BPI: variants seen among roughly 807,000 people sequenced by gnomAD.
BPI encodes the protein bactericidal permeability increasing protein, also known as bactericidal permeability-increasing protein.
BPI carries 48 observed loss-of-function variants against 57.6 expected under a neutral mutation model. The ratio of observed to expected loss-of-function variants is 0.83; its 90% CI spans 0.66 to 1.06. The LOEUF is 1.06. Ranked by LOEUF, BPI falls within the 50% of genes least tolerant of loss-of-function variation. BPI has a pLI of 0.00. For missense variants in BPI, 651 were observed against 609.7 expected, an observed-to-expected ratio of 1.07 and a Z score of -0.71; for synonymous variants, 237 against 238.2, an observed-to-expected ratio of 0.99 and a Z score of 0.05.
chr20:38,314,067 G>C (rs979314713), intron 5 of BPI, among the ~76,000 whole-genome samples: 2 of 151,900 alleles, frequency 1.3e-5, no homozygotes, highest in Non-Finnish European at 2.9e-5. Flanking sequence ...TTATGGTGAG[G>C]TTGATGATGA....
chr20:38,313,524 G>A (rs2076632192), intron 5 of BPI, among the ~76,000 whole-genome samples: 1 of 152,010 alleles, frequency 6.6e-6, no homozygotes, highest in African/African-American at 2.4e-5. Flanking sequence ...TCAGCTGTCT[G>A]TATAATCAAG....
chr20:38,313,950 GGTGAGGTTGATGATGGTGATA>G (rs1315044382), intron 5 of BPI, among the ~76,000 whole-genome samples: 1 of 151,720 alleles, frequency 6.6e-6, no homozygotes, highest in Admixed American at 6.6e-5. Context: ...TGATGGTGAT[GGTGAGGTTGATGATGGTGATA>G]GTGAGGTTGA....
At chr20:38,328,748 G>A (rs2122555128) in intron 11 of BPI, among the ~76,000 whole-genome samples, 1 of 152,058 alleles carries the variant, frequency 6.6e-6, no homozygotes, top group East Asian at 1.9e-4. Flanking sequence ...CTCTCTCCCA[G>A]CACCTTGGGA....
At chr20:38,308,835 G>A in intron 2 of BPI, 95 bp from the exon 3 acceptor site, 4 of 1,493,820 alleles carry the variant, frequency 2.7e-6, no homozygotes, top group Non-Finnish European at 3.7e-6. Context: ...GGACCAGGTG[G>A]TGGGGGACGA....
At chr20:38,307,877 AGT>A (rs768234901) in intron 2 of BPI, among the ~76,000 whole-genome samples, 196 bp downstream of exon 2, 3 of 152,186 alleles carry the variant, frequency 2.0e-5, no homozygotes, top group African/African-American at 2.4e-5. Flanking sequence ...ACTCCCAGGA[AGT>A]GTGTCATGAA....
At chr20:38,327,081 C>T (rs2076717238) in intron 10 of BPI, among the ~76,000 whole-genome samples, 1 of 152,248 alleles carries the variant, frequency 6.6e-6, no homozygotes, top group Admixed American at 6.5e-5. Flanking sequence ...TTGGTGGCAC[C>T]CATATGGCCA....
intron 5 of BPI, among the ~76,000 whole-genome samples, chr20:38,314,786 G>A (rs2076643905): frequency 6.7e-6 from 1 of 149,470 alleles, no homozygotes; most frequent in African/African-American, 2.5e-5. Context: ...TGATGATGAT[G>A]GTGGTATGGT....
At chr20:38,330,271 T>C (rs936517202) in intron 11 of BPI, among the ~76,000 whole-genome samples, 5 of 152,198 alleles carry the variant, frequency 3.3e-5, no homozygotes, top group Non-Finnish European at 5.9e-5. Flanking sequence ...CAAACCGTGC[T>C]TTGCTAATTG....
At chr20:38,318,789 C>G (rs1290349489) in intron 6 of BPI, among the ~76,000 whole-genome samples, 1 of 152,152 alleles carries the variant, frequency 6.6e-6, no homozygotes, top group Non-Finnish European at 1.5e-5. Flanking sequence ...TTGGTCACTT[C>G]TTTTTGGATC....
intron 10 of BPI, 116 bp from the exon 11 acceptor site, chr20:38,327,472 C>T: frequency 1.3e-5 from 15 of 1,113,584 alleles, no homozygotes; most frequent in African/African-American, 3.1e-5. Context: ...GTGGGCCTGA[C>T]CCCACAGTGT....
rs183269384 is a variant in BPI at position 38,323,949 on chromosome 20, G to T, written c.836G>T (p.Arg279Leu). The change falls in exon 8 of 15, where the codon CGC (arginine) becomes CTC (leucine). Residue 279 changes from arginine to leucine, a missense_variant. Physicochemically the swap from Arg to Leu is moderately radical, Grantham distance 102 (BLOSUM62 -2). Coordinates refer to ENST00000642449, the MANE Select transcript of BPI (RefSeq NM_001725.3). The stretch of plus-strand genomic sequence containing the variant: ...ATGGAGTTTCCCGCTGCCCATGACC[G>T]CATGGTATACCTGGGCCTCTCAGAC... ...PVMEFPAAHD[R>L]MVYLGLSDYF... 3 of 1,614,104 alleles carry T rather than the reference G, an allele frequency of 1.9e-6. No individual in the cohort carries two copies. Among genetic ancestry groups the T allele is most frequent in the Non-Finnish European group, 2.5e-6 (3 of 1,179,992 alleles).
chr20:38,327,759 C>A (rs758302530), intron 11 of BPI, 104 bp downstream of exon 11: 8 of 1,351,038 alleles, frequency 5.9e-6, no homozygotes, highest in Non-Finnish European at 8.3e-6. Context: ...TGTTGTTTTC[C>A]TGTTGGCTCA....
At chr20:38,324,870 G>T in intron 9 of BPI, 37 bp downstream of exon 9, 1 of 1,549,100 alleles carries the variant, frequency 6.5e-7, no homozygotes, top group South Asian at 1.1e-5. Context: ...TGAGCCCCGG[G>T]GGTTCTGGGA....
Position 38,311,872 on chromosome 20 carries a change from A to G in BPI, c.537-2A>G. Reference sequence around the variant, plus strand: ...TCTATGTCCCTACTTGTTCATCTCTAGGTGGCTGATCCAACTCTTCCACAA... The same window carrying G: ...TCTATGTCCCTACTTGTTCATCTCTGGGTGGCTGATCCAACTCTTCCACAA... On this transcript the variant is annotated splice_acceptor_variant, in intron 4 of 14. Coordinates refer to ENST00000642449, the MANE Select transcript of BPI (RefSeq NM_001725.3). LOFTEE classifies it high-confidence loss of function. 1 of 1,614,010 alleles carries G rather than the reference A, an allele frequency of 6.2e-7. No homozygotes were observed.
intron 5 of BPI, chr20:38,318,133 ACCTTAT>A: frequency 1.2e-6 from 1 of 806,670 alleles, no homozygotes; most frequent in Non-Finnish European, 1.5e-6. Flanking sequence ...AAAAAAAAAA[ACCTTAT>A]AAAATAGAAA....
At chr20:38,328,789 T>C (rs183319537) in intron 11 of BPI, among the ~76,000 whole-genome samples, 1 of 151,030 alleles carries the variant, frequency 6.6e-6, no homozygotes, top group East Asian at 2.0e-4. Context: ...CTGAGCCCAA[T>C]AGTTCAAGAC....
rs1486467125 is a variant in BPI, at chr20:38,307,444, T to C, written c.131-123T>C. On this transcript the variant is annotated intron_variant, in intron 1 of 14. Transcript: ENST00000642449. Reference sequence around the variant, plus strand: ...AGGAAACCTTAATTGATCCCTGTTTTTGACCCTTCCAGTGCCACTGTCCAT... The same window carrying C: ...AGGAAACCTTAATTGATCCCTGTTTCTGACCCTTCCAGTGCCACTGTCCAT... 7.5e-6 allele frequency: 5 copies of C among 662,562 alleles called. No homozygotes were observed. The East Asian group carries it at 1.5e-4, about 19-fold the overall frequency. The allele number at this position is 662,562 out of a possible 1,614,324, so 41.0% of individuals were successfully genotyped here. A position where few individuals can be genotyped will look rare whatever the true frequency, so the allele number is the denominator to read the frequency against.
intron 10 of BPI, among the ~76,000 whole-genome samples, chr20:38,326,929 A>G (rs1462941206): frequency 5.3e-5 from 8 of 152,184 alleles, no homozygotes; most frequent in Non-Finnish European, 1.0e-4. Context: ...TTGTTCATTT[A>G]TTCGTCCATC....
chr20:38,309,197 T>TC (rs150762103), intron 3 of BPI, 139 bp downstream of exon 3: 74,230 of 1,259,504 alleles, frequency 0.059, 2,840 homozygotes, highest in South Asian at 0.15. Context: ...AGGAAATTCT[T>TC]CACATGAGAA....
Sources: allele counts gnomAD v4.1 joint callset (sites outside exome capture counted in the v4.1 genomes callset), GRCh38; gene constraint gnomAD v4.1.1; transcripts MANE v1.5; gene names NCBI Gene and HGNC (gene_info 2026-07-23, HGNC 2026-07-21).